The following MMP26 variants were observed in gnomAD, a reference collection of about 807,000 sequenced individuals.
MMP26 encodes matrix metallopeptidase 26.
Under a neutral mutation model 31.0 loss-of-function variants are expected in MMP26, and 33 were observed. The ratio of observed to expected loss-of-function variants is 1.06; its 90% CI spans 0.81 to 1.42. MMP26 has a LOEUF of 1.42. Among genes scored for constraint, MMP26 ranks in the 40% most tolerant of loss-of-function variants. The probability of loss-of-function intolerance (pLI) is 0.00; values close to 1 mark genes in which losing one functional copy is unlikely to be tolerated. For synonymous variants in MMP26, 122 were observed against 114.9 expected (o/e 1.06, Z -0.40); for missense variants, 347 against 316.1 (o/e 1.10, Z -0.74).
intron 2 of MMP26, among the ~76,000 whole-genome samples, chr11:4,823,594 C>G (rs1177662976): frequency 2.6e-5 from 4 of 152,078 alleles, no homozygotes. Flanking sequence ...TTAACGAAAT[C>G]CCCCATGAGG....
chr11:4,902,572 G>C (rs1344690850), intron 2 of MMP26, among the ~76,000 whole-genome samples: 2 of 152,108 alleles, frequency 1.3e-5, no homozygotes, highest in African/African-American at 4.8e-5. Flanking sequence ...ACACTTTTTA[G>C]TTGTGTTGTT....
intron 2 of MMP26, among the ~76,000 whole-genome samples, chr11:4,911,197 A>G (rs896051312): frequency 5.9e-5 from 9 of 152,198 alleles, no homozygotes; most frequent in Non-Finnish European, 1.0e-4. Context: ...GGTCTTTGTC[A>G]TCAAGAAATG....
At chr11:4,881,747 C>G (rs1036682647) in intron 2 of MMP26, 4 of 712,370 alleles carry the variant, frequency 5.6e-6, no homozygotes, top group Admixed American at 5.6e-5. Context: ...TACTATTTAA[C>G]CTTCCTGGGT....
At chr11:4,801,916 G>A (rs1849189236) in intron 2 of MMP26, among the ~76,000 whole-genome samples, 1 of 151,954 alleles carries the variant, frequency 6.6e-6, no homozygotes, top group African/African-American at 2.4e-5. Flanking sequence ...ATAGTGCTAA[G>A]CCATTCATGA....
intron 2 of MMP26, chr11:4,913,142 G>A (rs1048368915): frequency 6.6e-6 from 1 of 152,100 alleles, no homozygotes; most frequent in Non-Finnish European, 1.5e-5. Flanking sequence ...CAACTTTGTG[G>A]CTAAATAAGC....
intron 2 of MMP26, among the ~76,000 whole-genome samples, chr11:4,791,500 G>C (rs749634974): frequency 6.6e-6 from 1 of 152,122 alleles, no homozygotes; most frequent in African/African-American, 2.4e-5. Flanking sequence ...CCTAGGTCTA[G>C]TGCAAAGCAG....
intron 2 of MMP26, among the ~76,000 whole-genome samples, chr11:4,898,362 AG>A (rs1351801729): frequency 1.3e-5 from 2 of 151,138 alleles, no homozygotes; most frequent in Admixed American, 6.6e-5. Flanking sequence ...TTTGGTTTTC[AG>A]GATTTGACTA....
intron 2 of MMP26, among the ~76,000 whole-genome samples, chr11:4,894,820 T>A: frequency 6.6e-6 from 1 of 152,200 alleles, no homozygotes; most frequent in Non-Finnish European, 1.5e-5. Flanking sequence ...GTATTACTAT[T>A]TGCTAGACTA....
At chr11:4,877,473 C>T (rs190293360) in intron 2 of MMP26, 3 of 152,312 alleles carry the variant, frequency 2.0e-5, no homozygotes, top group African/African-American at 7.2e-5. Flanking sequence ...AGCAGATTGT[C>T]CAGGCCTTTT....
chr11:4,751,409 A>G (rs935940742), intron 1 of MMP26, among the ~76,000 whole-genome samples: 3 of 152,188 alleles, frequency 2.0e-5, no homozygotes, highest in Non-Finnish European at 4.4e-5. Flanking sequence ...ATCATAAAAT[A>G]TTTAATGAGG....
intron 2 of MMP26, among the ~76,000 whole-genome samples, chr11:4,856,165 A>G (rs1460941593): frequency 1.3e-5 from 2 of 152,212 alleles, no homozygotes; most frequent in Admixed American, 1.3e-4. Flanking sequence ...TGCATCAACT[A>G]ATGAGCAAAA....
intron 2 of MMP26, among the ~76,000 whole-genome samples, chr11:4,840,244 G>A (rs924750724): frequency 4.6e-5 from 7 of 152,168 alleles, no homozygotes; most frequent in African/African-American, 1.4e-4. Flanking sequence ...TGGGGCCTAG[G>A]GGATCTCACC....
chr11:4,885,112 A>C (rs1340286776), intron 2 of MMP26, among the ~76,000 whole-genome samples: 1 of 152,140 alleles, frequency 6.6e-6, no homozygotes, highest in Non-Finnish European at 1.5e-5. Flanking sequence ...AAAAAGAAAA[A>C]ATTTCAACAA....
intron 2 of MMP26, among the ~76,000 whole-genome samples, chr11:4,979,957 G>C (rs1231149377): frequency 1.3e-5 from 2 of 151,992 alleles, no homozygotes; most frequent in Admixed American, 6.6e-5. Context: ...CATACCCTCT[G>C]TCATGATATA....
chr11:4,879,958 G>T (rs981770055), intron 2 of MMP26, among the ~76,000 whole-genome samples: 1 of 152,106 alleles, frequency 6.6e-6, no homozygotes, highest in East Asian at 1.9e-4. Flanking sequence ...AAGAGGAATG[G>T]TTATAGTTAT....
intron 1 of MMP26, among the ~76,000 whole-genome samples, chr11:4,726,628 T>G (rs1269668049): frequency 2.6e-5 from 4 of 152,218 alleles, no homozygotes; most frequent in African/African-American, 9.6e-5. Flanking sequence ...TTAGCTCAGA[T>G]AGCAGAGAGG....
intron 4 of MMP26, among the ~76,000 whole-genome samples, chr11:4,990,391 T>G (rs1264334780): frequency 6.6e-6 from 1 of 152,226 alleles, no homozygotes; most frequent in South Asian, 2.1e-4. Context: ...ATTTGGGATA[T>G]TGTTAAAATT....
chr11:4,791,361 T>C (rs1396949755), intron 2 of MMP26, among the ~76,000 whole-genome samples: 1 of 152,188 alleles, frequency 6.6e-6, no homozygotes, highest in African/African-American at 2.4e-5. Context: ...CAATTTTTTT[T>C]CCTAGTAGAG....
chr11:4,922,418 A>G (rs1851199315), intron 2 of MMP26, among the ~76,000 whole-genome samples: 1 of 152,178 alleles, frequency 6.6e-6, no homozygotes. Flanking sequence ...TTCACTCCCT[A>G]TGTATCTAGA....
Sources: allele counts gnomAD v4.1 joint callset (sites outside exome capture counted in the v4.1 genomes callset), GRCh38; gene constraint gnomAD v4.1.1; transcripts MANE v1.5; gene names NCBI Gene and HGNC (gene_info 2026-07-23, HGNC 2026-07-21).